MGAT4C: variants seen among roughly 807,000 people sequenced by gnomAD.
MGAT4C encodes alpha-1,3-mannosyl-glycoprotein 4-beta-N-acetylglucosaminyltransferase C.
MGAT4C carries 19 observed loss-of-function variants against 40.1 expected under a neutral mutation model. The observed-to-expected ratio is 0.47, with a 90% confidence interval of 0.33 to 0.70. The LOEUF is 0.70. Ranked by LOEUF, MGAT4C falls within the 30% of genes least tolerant of loss-of-function variation. MGAT4C has a pLI of 0.02. For missense variants in MGAT4C, 491 were observed against 563.2 expected (o/e 0.87, Z 1.30); for synonymous variants, 181 against 187.1 (o/e 0.97, Z 0.27).
At position 86,123,767 on chromosome 12, in the gene MGAT4C, A is replaced by T. The variant is rs374876225; in HGVS notation, c.-56-74044T>A. 1.1e-4 allele frequency among the ~76,000 whole-genome samples: 16 copies of T among 152,192 alleles called. No individual in the cohort carries two copies. The East Asian group carries it at 3.1e-3, about 29-fold the overall frequency. ...TTTCATTCAATTATTCCAGCAACTC[A>T]TTATCTTGTTATATATTTGATGCAT... On this transcript the variant is annotated intron_variant, in intron 1 of 4. Coordinates refer to ENST00000611864, the MANE Select transcript of MGAT4C (RefSeq NM_001351288.2).
intron 2 of MGAT4C, among the ~76,000 whole-genome samples, chr12:86,524,876 C>A (rs990293590): frequency 6.6e-6 from 1 of 152,094 alleles, no homozygotes; most frequent in Non-Finnish European, 1.5e-5. Context: ...CTTGTGATTG[C>A]ATTATGAAAC....
intron 4 of MGAT4C, among the ~76,000 whole-genome samples, chr12:86,322,440 G>A (rs2136163692): frequency 6.6e-6 from 1 of 150,814 alleles, no homozygotes; most frequent in South Asian, 2.1e-4. Flanking sequence ...ACTAACTTTG[G>A]TTGCTATTAC....
Position 86,054,366 on chromosome 12 carries a change from A to T in MGAT4C, c.-56-4643T>A, listed in dbSNP as rs567427296. Reference sequence around the variant, plus strand: ...TCACTAGTATGTGGGAGTTATTATAAAAAAGCTGAACTGATAAAAGTAAAG... The same window carrying T: ...TCACTAGTATGTGGGAGTTATTATATAAAAGCTGAACTGATAAAAGTAAAG... On this transcript the variant is annotated intron_variant, in intron 1 of 4. Coordinates refer to ENST00000611864, the MANE Select transcript of MGAT4C (RefSeq NM_001351288.2). Among the ~76,000 whole-genome samples, 5 of 152,148 alleles carry T rather than the reference A, an allele frequency of 3.3e-5. 1 individual carries two copies. Among genetic ancestry groups the T allele is most frequent in the East Asian group, 1.9e-4 (1 of 5,170 alleles).
chr12:86,572,868 C>A (rs1270623605), intron 2 of MGAT4C, among the ~76,000 whole-genome samples: 1 of 151,964 alleles, frequency 6.6e-6, no homozygotes, highest in Non-Finnish European at 1.5e-5. Context: ...TCTCTCTTTT[C>A]TTCCCTTCCT....
intron 2 of MGAT4C, among the ~76,000 whole-genome samples, chr12:86,490,060 G>A (rs921142052): frequency 2.0e-5 from 3 of 151,988 alleles, no homozygotes; most frequent in Non-Finnish European, 2.9e-5. Context: ...TCAGATTCAG[G>A]AAATATAGAG....
chr12:86,632,372 G>C (rs1249065471), intron 2 of MGAT4C, among the ~76,000 whole-genome samples: 1 of 152,132 alleles, frequency 6.6e-6, no homozygotes, highest in Non-Finnish European at 1.5e-5. Flanking sequence ...TCGAGAACTA[G>C]AAATACCATT....
chr12:86,500,977 T>C (rs1958330581), intron 2 of MGAT4C, among the ~76,000 whole-genome samples: 1 of 152,088 alleles, frequency 6.6e-6, no homozygotes, highest in Non-Finnish European at 1.5e-5. Flanking sequence ...ATAATTGCTA[T>C]ACATAAGAAG....
intron 2 of MGAT4C, among the ~76,000 whole-genome samples, chr12:86,570,043 A>T (rs1960299877): frequency 6.6e-6 from 1 of 152,124 alleles, no homozygotes; most frequent in African/African-American, 2.4e-5. Context: ...TTAGAAGTTG[A>T]GGGTGCAAGC....
chr12:86,361,715 G>T (rs1360384954), intron 3 of MGAT4C, among the ~76,000 whole-genome samples: 1 of 152,186 alleles, frequency 6.6e-6, no homozygotes, highest in Non-Finnish European at 1.5e-5. Flanking sequence ...CATTTATGCA[G>T]CCAACAGACA....
chr12:86,379,590 G>A (rs1032961322), intron 3 of MGAT4C, among the ~76,000 whole-genome samples: 1 of 152,026 alleles, frequency 6.6e-6, no homozygotes, highest in Non-Finnish European at 1.5e-5. Context: ...ATGGCACACA[G>A]CATTAGATAA....
chr12:86,507,557 C>T (rs972553871), intron 2 of MGAT4C, among the ~76,000 whole-genome samples: 1 of 152,088 alleles, frequency 6.6e-6, no homozygotes, highest in East Asian at 1.9e-4. Context: ...GCCACTTGTC[C>T]AAAGCAGATT....
intron 3 of MGAT4C, among the ~76,000 whole-genome samples, chr12:86,432,398 T>TA (rs966893924): frequency 2.6e-5 from 4 of 151,926 alleles, no homozygotes; most frequent in African/African-American, 9.7e-5. Flanking sequence ...AGATGTGTAG[T>TA]AAATATAAAG....
intron 2 of MGAT4C, among the ~76,000 whole-genome samples, chr12:86,492,932 A>AC (rs763742307): frequency 2.0e-5 from 3 of 152,116 alleles, no homozygotes; most frequent in Non-Finnish European, 4.4e-5. Flanking sequence ...CCTACAATGA[A>AC]CTCAAACAAA....
At chr12:86,678,263 T>A (rs1949903947) in intron 2 of MGAT4C, among the ~76,000 whole-genome samples, 5 of 152,074 alleles carry the variant, frequency 3.3e-5, no homozygotes, top group Admixed American at 3.3e-4. Context: ...TACATGAGCC[T>A]AAGACTTATC....
At chr12:86,126,186 T>C (rs2135698101) in intron 1 of MGAT4C, among the ~76,000 whole-genome samples, 1 of 152,080 alleles carries the variant, frequency 6.6e-6, no homozygotes, top group South Asian at 2.1e-4. Context: ...AAATGCTATA[T>C]GTAACTGTAG....
intron 1 of MGAT4C, among the ~76,000 whole-genome samples, chr12:86,128,114 C>T (rs1367239911): frequency 3.9e-5 from 6 of 152,160 alleles, no homozygotes; most frequent in African/African-American, 9.7e-5. Flanking sequence ...ATAGCCAACA[C>T]ATGAGGAATG....
chr12:86,417,214 A>G (rs1439473121), intron 3 of MGAT4C, among the ~76,000 whole-genome samples: 1 of 152,068 alleles, frequency 6.6e-6, no homozygotes, highest in Non-Finnish European at 1.5e-5. Flanking sequence ...AATATAGATA[A>G]GTGGATTGAA....
chr12:86,700,583 G>A (rs1022240337), intron 2 of MGAT4C, among the ~76,000 whole-genome samples: 1 of 152,028 alleles, frequency 6.6e-6, no homozygotes, highest in Non-Finnish European at 1.5e-5. Context: ...GTCAAGAAAA[G>A]GTTACGTATG....
At chr12:86,210,452 C>A (rs1025049290) in intron 1 of MGAT4C, among the ~76,000 whole-genome samples, 3 of 152,116 alleles carry the variant, frequency 2.0e-5, no homozygotes, top group Admixed American at 6.5e-5. Context: ...GTTTTTATAT[C>A]CTGTGATTGG....
Sources: allele counts gnomAD v4.1 joint callset (sites outside exome capture counted in the v4.1 genomes callset), GRCh38; gene constraint gnomAD v4.1.1; transcripts MANE v1.5; gene names NCBI Gene and HGNC (gene_info 2026-07-23, HGNC 2026-07-21).